The following NRF1 variants were observed in gnomAD, a reference collection of about 807,000 sequenced individuals.
NRF1 encodes alpha palindromic-binding protein.
In NRF1, 5 loss-of-function variants were observed where a neutral mutation model predicts 58.5. That is an observed-to-expected ratio of 0.09 (90% CI 0.04 to 0.18). The LOEUF (loss-of-function observed/expected upper bound fraction) is 0.18. Among genes scored for constraint, NRF1 ranks in the 10% least tolerant of loss-of-function variants. NRF1 has a pLI of 1.00. For missense variants in NRF1, 288 were observed against 657.7 expected, an observed-to-expected ratio of 0.44 and a Z score of 6.15; for synonymous variants, 224 against 246.7, an observed-to-expected ratio of 0.91 and a Z score of 0.86.
At chr7:129,613,612 T>TTAC (rs752049277) in intron 1 of NRF1, among the ~76,000 whole-genome samples, 1 of 152,078 alleles carries the variant, frequency 6.6e-6, no homozygotes, top group Non-Finnish European at 1.5e-5. Flanking sequence ...AGAAAACTCT[T>TTAC]TACGGCCGGG....
At chr7:129,693,140 T>C (rs1802608717) in intron 5 of NRF1, among the ~76,000 whole-genome samples, 1 of 152,228 alleles carries the variant, frequency 6.6e-6, no homozygotes, top group Non-Finnish European at 1.5e-5. Context: ...TAATAGTATC[T>C]GTTCAGTAAA....
chr7:129,737,710 G>T (rs1803750713), intron 10 of NRF1, among the ~76,000 whole-genome samples: 1 of 152,160 alleles, frequency 6.6e-6, no homozygotes, highest in Admixed American at 6.5e-5. Flanking sequence ...TGCTATTCCA[G>T]TGTGTACTAA....
At position 129,755,313 on chromosome 7, in the gene NRF1, A is replaced by G. The variant is rs1804226795; in HGVS notation, c.*132A>G. 2 of 809,086 alleles carry G rather than the reference A, an allele frequency of 2.5e-6. No homozygotes were observed. Among genetic ancestry groups the G allele is most frequent in the Admixed American group, 4.2e-5 (1 of 23,680 alleles). 50.1% of individuals were successfully genotyped at this position (809,086 alleles called of 1,614,324 possible). On this transcript the variant is annotated 3_prime_UTR_variant, in exon 11 of 11. Transcript: ENST00000393232. This position sits in a 1 kb window ranked among gnomAD's most constrained non-coding sequence, Gnocchi z 5.8. ...TTTTGTTAACCTTTTTTTTTTTAAA[A>G]GGAAGAAAGCGGATTTTGGAATTGC...
intron 10 of NRF1, among the ~76,000 whole-genome samples, chr7:129,743,932 A>G (rs1803907632): frequency 6.6e-6 from 1 of 152,072 alleles, no homozygotes. Flanking sequence ...GGCGAGGGGG[A>G]AATATGAGGG....
intron 1 of NRF1, among the ~76,000 whole-genome samples, chr7:129,634,035 AAAAAAAAG>A (rs1801111802): frequency 5.7e-5 from 4 of 69,888 alleles, no homozygotes; most frequent in African/African-American, 3.6e-4. Flanking sequence ...TATTTAAAAA[AAAAAAAAG>A]ATATATATAT....
At chr7:129,695,293 A>C (rs1185733226) in intron 5 of NRF1, among the ~76,000 whole-genome samples, 1 of 151,768 alleles carries the variant, frequency 6.6e-6, no homozygotes, top group Admixed American at 6.6e-5. Context: ...AAATCTTAAC[A>C]CTGCCGGGCA....
At chr7:129,671,607 G>T (rs6951103) in intron 3 of NRF1, 64 bp downstream of exon 3, 1 of 873,704 alleles carries the variant, frequency 1.1e-6, no homozygotes, top group Non-Finnish European at 1.9e-6. Context: ...GACAGACTTA[G>T]AACATATGTG....
intron 9 of NRF1, among the ~76,000 whole-genome samples, chr7:129,724,758 C>T (rs1191812386): frequency 6.6e-6 from 1 of 152,116 alleles, no homozygotes. Flanking sequence ...ATAAGCCAGA[C>T]ACAAAAGGAC....
chr7:129,684,281 G>A (rs1802396692), intron 4 of NRF1, among the ~76,000 whole-genome samples: 1 of 152,128 alleles, frequency 6.6e-6, no homozygotes, highest in South Asian at 2.1e-4. Context: ...GGAAAAGGGA[G>A]AAGAAAACTA....
At chr7:129,691,659 C>T (rs1802572261) in intron 5 of NRF1, among the ~76,000 whole-genome samples, 1 of 152,046 alleles carries the variant, frequency 6.6e-6, no homozygotes, top group Non-Finnish European at 1.5e-5. Flanking sequence ...CCAGCCCACC[C>T]TATTTCTTTA....
chr7:129,705,685 G>A (rs1802932222), intron 5 of NRF1, among the ~76,000 whole-genome samples: 1 of 152,138 alleles, frequency 6.6e-6, no homozygotes, highest in African/African-American at 2.4e-5. Context: ...GGTGGTTGAG[G>A]CAGGAGGATT....
intron 1 of NRF1, among the ~76,000 whole-genome samples, chr7:129,630,634 C>T (rs1423645567): frequency 6.6e-6 from 1 of 152,068 alleles, no homozygotes; most frequent in African/African-American, 2.4e-5. Context: ...CTTGTTTTGT[C>T]GTTGTGAGGC....
chr7:129,659,666 A>G (rs2151076870), intron 2 of NRF1, among the ~76,000 whole-genome samples: 1 of 152,322 alleles, frequency 6.6e-6, no homozygotes, highest in African/African-American at 2.4e-5. Flanking sequence ...TTGAGAATTC[A>G]GCTATTTCAT....
chr7:129,740,371 C>G (rs1367824541), intron 10 of NRF1, among the ~76,000 whole-genome samples: 1 of 152,220 alleles, frequency 6.6e-6, no homozygotes, highest in Non-Finnish European at 1.5e-5. Flanking sequence ...AAGTAACCTT[C>G]AGAGGTTCAC....
At chr7:129,669,061 C>G (rs561479863) in intron 2 of NRF1, among the ~76,000 whole-genome samples, 25 of 152,152 alleles carry the variant, frequency 1.6e-4, no homozygotes, top group Non-Finnish European at 2.9e-4. Flanking sequence ...GATTTTCCTG[C>G]CTCAGTCTCC....
intron 9 of NRF1, among the ~76,000 whole-genome samples, chr7:129,722,058 C>T (rs148887049): frequency 8.9e-4 from 135 of 152,252 alleles, no homozygotes; most frequent in African/African-American, 3.0e-3. Flanking sequence ...AGTGGTCTAG[C>T]TCAGGGCCTT....
intron 5 of NRF1, among the ~76,000 whole-genome samples, chr7:129,707,749 T>C (rs1296273468): frequency 6.6e-6 from 1 of 152,036 alleles, no homozygotes; most frequent in African/African-American, 2.4e-5. Context: ...TGTTGGGGCA[T>C]TGGGGGACTT....
intron 10 of NRF1, among the ~76,000 whole-genome samples, chr7:129,740,482 G>A (rs1035385096): frequency 1.3e-5 from 2 of 152,230 alleles, no homozygotes; most frequent in African/African-American, 2.4e-5. Flanking sequence ...ACTTCGGGAA[G>A]CCTGTGTTCC....
chr7:129,727,731 C>T (rs1376479776), intron 10 of NRF1, among the ~76,000 whole-genome samples: 2 of 152,158 alleles, frequency 1.3e-5, no homozygotes, highest in Non-Finnish European at 2.9e-5. Context: ...CAGAGACTCT[C>T]TCATGGGCAG....
Sources: gnomAD v4.1 joint callset for allele counts (sites outside exome capture counted in the v4.1 genomes callset) on GRCh38, gnomAD v4.1.1 for gene constraint, Gnocchi (gnomAD v3.1) non-coding constraint, MANE v1.5 for transcripts, NCBI Gene and HGNC (gene_info 2026-07-23, HGNC 2026-07-21) for gene names.